RBFOX1: variants seen among roughly 807,000 people sequenced by gnomAD.
The protein encoded by RBFOX1 is RNA binding protein fox-1 homolog 1.
In RBFOX1, 8 loss-of-function variants were observed where a neutral mutation model predicts 57.7. The ratio of observed to expected loss-of-function variants is 0.14; its 90% CI spans 0.08 to 0.25. RBFOX1 has a LOEUF of 0.25. RBFOX1 is among the 10% of genes least tolerant of loss of function. RBFOX1 has a pLI of 1.00. For synonymous variants in RBFOX1, 326 were observed against 222.4 expected (o/e 1.47, Z -4.15); for missense variants, 611 against 548.5 (o/e 1.11, Z -1.14).
intron 3 of RBFOX1, among the ~76,000 whole-genome samples, chr16:5,787,516 C>T (rs898566248): frequency 6.6e-6 from 1 of 152,150 alleles, no homozygotes; most frequent in East Asian, 1.9e-4. Context: ...AAACCTGACC[C>T]CATACTCAAG....
chr16:7,417,273 T>A (rs1167023513), intron 4 of RBFOX1, among the ~76,000 whole-genome samples: 1 of 149,444 alleles, frequency 6.7e-6, no homozygotes, highest in Admixed American at 6.8e-5. Context: ...CTTAGGAAAC[T>A]GAGACAGGGG....
At chr16:6,941,598 A>C (rs1170624314) in intron 3 of RBFOX1, among the ~76,000 whole-genome samples, 3 of 151,788 alleles carry the variant, frequency 2.0e-5, no homozygotes, top group Non-Finnish European at 4.4e-5. Flanking sequence ...TCTACCTACT[A>C]AATTATGCCC....
At chr16:6,376,929 C>G (rs948664936) in intron 2 of RBFOX1, among the ~76,000 whole-genome samples, 2 of 151,948 alleles carry the variant, frequency 1.3e-5, no homozygotes, top group Admixed American at 1.3e-4. Flanking sequence ...TATCACATAG[C>G]CTTCCCTGTG....
At chr16:6,923,148 G>A (rs541080934) in intron 3 of RBFOX1, among the ~76,000 whole-genome samples, 2 of 152,192 alleles carry the variant, frequency 1.3e-5, no homozygotes, top group Non-Finnish European at 2.9e-5. Context: ...AGCTGGTCCA[G>A]TGTGAGTCTG....
At position 7,358,246 on chromosome 16, in the gene RBFOX1, C is replaced by A. The variant is rs567074695; in HGVS notation, c.28-159901C>A. On this transcript the variant is annotated intron_variant, in intron 4 of 15. Transcript: ENST00000550418. ...TACATAACCAAGTCAGCCTCTGCTG[C>A]AAATAAACCGTGACAGAGAAAGAGG... Among the ~76,000 whole-genome samples the A allele has an allele frequency of 3.9e-5, 6 of 152,286 alleles. No individual in the cohort carries two copies. The East Asian group carries it at 1.2e-3, about 29-fold the overall frequency.
intron 2 of RBFOX1, among the ~76,000 whole-genome samples, chr16:5,554,392 TA>T (rs1321541298): frequency 2.6e-5 from 4 of 152,090 alleles, no homozygotes; most frequent in Non-Finnish European, 5.9e-5. Flanking sequence ...GTTTTAAAAA[TA>T]AAAAAATTAA....
intron 4 of RBFOX1, among the ~76,000 whole-genome samples, chr16:7,129,437 A>T (rs1170766597): frequency 6.6e-6 from 1 of 152,200 alleles, no homozygotes; most frequent in African/African-American, 2.4e-5. Context: ...AGTAATGGAT[A>T]GAGATCAGGT....
chr16:5,596,359 G>C (rs955056126), intron 2 of RBFOX1, among the ~76,000 whole-genome samples: 2 of 152,206 alleles, frequency 1.3e-5, no homozygotes, highest in Non-Finnish European at 2.9e-5. Context: ...ACCTTCCTAA[G>C]GCTGGTGGTT....
intron 4 of RBFOX1, among the ~76,000 whole-genome samples, chr16:7,489,763 C>T (rs989863678): frequency 6.6e-6 from 1 of 151,652 alleles, no homozygotes; most frequent in African/African-American, 2.4e-5. Flanking sequence ...TCAAGTGATC[C>T]TCCCAACTCA....
chr16:7,467,618 T>C (rs1165235651), intron 4 of RBFOX1, among the ~76,000 whole-genome samples: 1 of 152,254 alleles, frequency 6.6e-6, no homozygotes, highest in East Asian at 1.9e-4. Context: ...AACTGTAAAA[T>C]TGTGGTATGA....
Position 7,512,600 on chromosome 16 carries a change from T to TAACTGCAGGCTCCTTGGCTACC in RBFOX1, c.28-5545_28-5524dup, listed in dbSNP as rs2075386257. On this transcript the variant is annotated intron_variant, in intron 4 of 15. Transcript: ENST00000550418. The stretch of plus-strand genomic sequence containing the variant: ...TCTGGAGTCCCATGTTCCTGGATGC[T>TAACTGCAGGCTCCTTGGCTACC]AACTGCAGGCTCCTTGGCTACCATG... Among the ~76,000 whole-genome samples, 6 of 152,330 alleles carry TAACTGCAGGCTCCTTGGCTACC rather than the reference T, an allele frequency of 3.9e-5. No individual in the cohort carries two copies. In the South Asian group the frequency reaches 1.2e-3, roughly 32 times the overall value.
intron 4 of RBFOX1, among the ~76,000 whole-genome samples, chr16:7,155,474 T>G (rs1163337017): frequency 6.6e-6 from 1 of 151,338 alleles, no homozygotes; most frequent in Non-Finnish European, 1.5e-5. Flanking sequence ...TATGCACTTG[T>G]AGTCTCAGCT....
At chr16:6,823,581 G>A (rs2091681637) in intron 3 of RBFOX1, among the ~76,000 whole-genome samples, 1 of 152,038 alleles carries the variant, frequency 6.6e-6, no homozygotes, top group Admixed American at 6.6e-5. Flanking sequence ...TTATAAGGGA[G>A]TATATTATCT....
intron 1 of RBFOX1, among the ~76,000 whole-genome samples, chr16:6,124,700 G>C (rs1191184590): frequency 2.0e-5 from 3 of 151,912 alleles, no homozygotes; most frequent in Admixed American, 6.6e-5. Flanking sequence ...TTGTTTGTTT[G>C]TATTTTCAGT....
At chr16:6,760,272 T>G (rs977172250) in intron 3 of RBFOX1, among the ~76,000 whole-genome samples, 18 of 152,218 alleles carry the variant, frequency 1.2e-4, no homozygotes, top group African/African-American at 4.3e-4. Context: ...AAAAGGCAAT[T>G]GCTTTAAAGG....
At chr16:7,278,322 C>T (rs1400491718) in intron 4 of RBFOX1, among the ~76,000 whole-genome samples, 3 of 152,148 alleles carry the variant, frequency 2.0e-5, no homozygotes, top group African/African-American at 7.2e-5. Flanking sequence ...ATCAAACCTC[C>T]TTCAGTGTCT....
Position 7,385,017 on chromosome 16 carries a change from G to A in RBFOX1, c.28-133130G>A, listed in dbSNP as rs549304685. Among the ~76,000 whole-genome samples, 10 of 152,306 alleles carry A rather than the reference G, an allele frequency of 6.6e-5. No individual in the cohort carries two copies. The South Asian group carries it at 1.9e-3, about 28-fold the overall frequency. ...ATGGCAAATCATGCCAAGGCAGAGA[G>A]AAAGAACATTCCAGGAAAATACCCT... On this transcript the variant is annotated intron_variant, in intron 4 of 15. Coordinates refer to ENST00000550418, the MANE Select transcript of RBFOX1 (RefSeq NM_018723.4).
chr16:7,283,166 G>C (rs538993261), intron 4 of RBFOX1, among the ~76,000 whole-genome samples: 1 of 151,976 alleles, frequency 6.6e-6, no homozygotes, highest in Non-Finnish European at 1.5e-5. Flanking sequence ...GGTCTTTAAG[G>C]AATCTCCACA....
intron 4 of RBFOX1, among the ~76,000 whole-genome samples, chr16:7,481,645 G>C (rs906713610): frequency 1.3e-5 from 2 of 152,076 alleles, no homozygotes; most frequent in Non-Finnish European, 2.9e-5. Flanking sequence ...AAACATATTT[G>C]GTATTCCTTG....
Sources: gnomAD v4.1 joint callset for allele counts (sites outside exome capture counted in the v4.1 genomes callset) on GRCh38, gnomAD v4.1.1 for gene constraint, MANE v1.5 for transcripts, NCBI Gene and HGNC (gene_info 2026-07-23, HGNC 2026-07-21) for gene names.